Variants in TCP11 observed in about 807,000 individuals in gnomAD.
TCP11 encodes t-complex 11.
Under a neutral mutation model 45.0 loss-of-function variants are expected in TCP11, and 34 were observed. That is an observed-to-expected ratio of 0.76 (90% CI 0.57 to 1.01). The LOEUF (loss-of-function observed/expected upper bound fraction) is 1.01, where lower values mean the gene tolerates loss of function less well. Ranked by LOEUF, TCP11 falls within the 50% of genes least tolerant of loss-of-function variation. The probability of loss-of-function intolerance (pLI) is 0.00; values close to 1 mark genes in which losing one functional copy is unlikely to be tolerated. For missense variants in TCP11, 523 were observed against 598.1 expected (o/e 0.87, Z 1.31); for synonymous variants, 227 against 227.0 (o/e 1.00, Z 0.00).
chr6:35,128,808 T>G, intron 4 of TCP11: 1 of 405,750 alleles, frequency 2.5e-6, no homozygotes, highest in South Asian at 2.7e-5. Flanking sequence ...GTATGATAGA[T>G]GCCCTTTTAT....
At chr6:35,134,913 A>G (rs1780887315) in intron 3 of TCP11, among the ~76,000 whole-genome samples, 1 of 151,956 alleles carries the variant, frequency 6.6e-6, no homozygotes, top group Non-Finnish European at 1.5e-5. Flanking sequence ...GCACTTTGGG[A>G]GGACAAGGCG....
At position 35,136,096 on chromosome 6, in the gene TCP11, A is replaced by C; in HGVS notation, c.236+11T>G. ...GGATGAGCAACATGAAGAAAGAAGA[A>C]GAGTCTATACCTGCTTGGAGGTAAA... On this transcript the variant is annotated intron_variant, in intron 3 of 9. Transcript: ENST00000311875. 2.6e-5 allele frequency: 42 copies of C among 1,603,258 alleles called. No individual in the cohort carries two copies. The highest frequency in any genetic ancestry group is 3.3e-5 in the Non-Finnish European group (39 of 1,171,848).
chr6:35,137,763 T>C, intron 2 of TCP11: 1 of 455,120 alleles, frequency 2.2e-6, no homozygotes, highest in Non-Finnish European at 4.4e-6. Flanking sequence ...TGATGCAGCA[T>C]CATGATTTTT....
In TCP11 at chr6:35,140,877, G is replaced by T. The variant is rs1418376617; in HGVS notation, c.-7C>A. ...TCTCCTTGACGTCTGGCATTTTGCT[G>T]ATGGTATCTGGGTGAGGGAGAAAGG... On this transcript the variant is annotated 5_prime_UTR_variant, in exon 2 of 10. Coordinates refer to ENST00000311875, the MANE Select transcript of TCP11 (RefSeq NM_001370687.1). 5 of 1,570,992 alleles carry T rather than the reference G, an allele frequency of 3.2e-6. No homozygotes were observed. Among genetic ancestry groups the T allele is most frequent in the Non-Finnish European group, 4.3e-6 (5 of 1,161,182 alleles).
At chr6:35,127,068 G>A (rs889186344) in intron 4 of TCP11, among the ~76,000 whole-genome samples, 4 of 152,154 alleles carry the variant, frequency 2.6e-5, no homozygotes, top group African/African-American at 9.7e-5. Context: ...TAACCCACTT[G>A]CAGGATTTTT....
At chr6:35,136,086 A>G in intron 3 of TCP11, 21 bp downstream of exon 3, 1 of 1,595,296 alleles carries the variant, frequency 6.3e-7, no homozygotes, top group Non-Finnish European at 8.6e-7. Flanking sequence ...AGCAACATGA[A>G]GAAAGAAGAA....
In TCP11 at chr6:35,118,222, T is replaced by G. The variant is rs772253176; in HGVS notation, c.*47A>C. ...TGGTGATGTTACTCCAGGAAGATGATGGGCCTCCTCTTGGGTCCAAGGTAC... is the reference window on the plus strand; with the variant it reads ...TGGTGATGTTACTCCAGGAAGATGAGGGGCCTCCTCTTGGGTCCAAGGTAC... On this transcript the variant is annotated 3_prime_UTR_variant, in exon 10 of 10. Coordinates refer to ENST00000311875, the MANE Select transcript of TCP11 (RefSeq NM_001370687.1). The G allele has an allele frequency of 2.0e-6, 3 of 1,492,824 alleles. No homozygotes were observed. The highest frequency in any genetic ancestry group is 2.8e-6 in the Non-Finnish European group (3 of 1,071,998). 92.5% of individuals were successfully genotyped at this position (1,492,824 alleles called of 1,614,324 possible).
chr6:35,122,136 C>G lies in TCP11; in HGVS notation c.559G>C (p.Asp187His), dbSNP rs368388208. ...TCATACCTCAGTAGCCAAACAGGAT[C>G]CGTAATGTTTTCTAGTTTCTGCACT... ...EAVQKLENITDPVWLLRGIFQ... is the reference protein window; with the variant it reads ...EAVQKLENITHPVWLLRGIFQ... The change falls in exon 5 of 10, where the codon GAT becomes CAT. Residue 187 changes from aspartate to histidine, a missense_variant. By Grantham distance (81) the Asp-to-His change is moderately conservative (BLOSUM62 -1). This residue lies in a region of TCP11 where 298 missense variants were observed against 387.9 expected (regional missense o/e 0.77). Transcript: ENST00000311875. 33 of 1,614,028 alleles carry G rather than the reference C, an allele frequency of 2.0e-5. No homozygotes were observed. Among genetic ancestry groups the G allele is most frequent in the Non-Finnish European group, 2.5e-5 (29 of 1,180,016 alleles).
chr6:35,139,992 G>A (rs748812988), intron 2 of TCP11: 3 of 1,612,372 alleles, frequency 1.9e-6, no homozygotes, highest in Non-Finnish European at 2.5e-6. Flanking sequence ...TAAATTGTGT[G>A]TACAAAAAAA....
In TCP11 at chr6:35,140,996, G is replaced by A. The variant is rs939007801; in HGVS notation, c.-14-112C>T. The A allele has an allele frequency of 8.1e-6, 11 of 1,354,018 alleles. No individual in the cohort carries two copies. The South Asian group carries it at 1.2e-4, about 14-fold the overall frequency. 83.9% of individuals were successfully genotyped at this position (1,354,018 alleles called of 1,614,324 possible). A position where few individuals can be genotyped will look rare whatever the true frequency, so the allele number is the denominator to read the frequency against. On this transcript the variant is annotated intron_variant, in intron 1 of 9. Coordinates refer to ENST00000311875, the MANE Select transcript of TCP11 (RefSeq NM_001370687.1). ...GGGTAGCGGCCTCAGGGTCTTGGGG[G>A]TGCTGAGGGGCAGAAAGGGGCAAAG...
rs1261318392 is a variant in TCP11 at position 35,118,550 on chromosome 6, G to A, written c.1280-49C>T. 17 of 1,549,670 alleles carry A rather than the reference G, an allele frequency of 1.1e-5. No homozygotes were observed. In the African/African-American group the frequency reaches 2.2e-4, roughly 20 times the overall value. ...TAAGGGAAAAGGCAAACAGATTTCA[G>A]GGAGAAAATTCCCCCTGCACTCTAC... On this transcript the variant is annotated intron_variant, in intron 9 of 9. Coordinates refer to ENST00000311875, the MANE Select transcript of TCP11 (RefSeq NM_001370687.1).
chr6:35,129,260 C>A lies in TCP11; in HGVS notation c.237-78G>T, dbSNP rs2234043. The A allele has an allele frequency of 1.4e-3, 2,170 of 1,515,016 alleles. 37 individuals are homozygous for A. In the African/African-American group the frequency reaches 0.028, roughly 20 times the overall value. The allele number at this position is 1,515,016 out of a possible 1,614,324, so 93.8% of individuals were successfully genotyped here. On this transcript the variant is annotated intron_variant, in intron 3 of 9. Transcript: ENST00000311875. ...GTGTCATAACCTCCTAAACCCCAAA[C>A]TGAATTTGATATGGTAAAAGGCCAT... is the stretch of plus-strand genomic sequence containing the variant.
In TCP11 at chr6:35,120,018, A is replaced by G. The variant is rs1169580752; in HGVS notation, c.1115+141T>C. ...GTTACACCCTCATGACCACTTATGGAAAGAAACCAACAATCTTTGTAGATG... is the reference window on the plus strand; with the variant it reads ...GTTACACCCTCATGACCACTTATGGGAAGAAACCAACAATCTTTGTAGATG... On this transcript the variant is annotated intron_variant, in intron 8 of 9. Transcript: ENST00000311875. This position sits in a 1 kb window ranked among gnomAD's most constrained non-coding sequence, Gnocchi z 4.9. 1 of 1,156,428 alleles carries G rather than the reference A, an allele frequency of 8.6e-7. No homozygotes were observed. Among genetic ancestry groups the G allele is most frequent in the Non-Finnish European group, 1.2e-6 (1 of 844,284 alleles). The allele number at this position is 1,156,428 out of a possible 1,614,324, so 71.6% of individuals were successfully genotyped here.
intron 4 of TCP11, among the ~76,000 whole-genome samples, chr6:35,124,494 G>A (rs930930276): frequency 6.6e-6 from 1 of 152,150 alleles, no homozygotes; most frequent in African/African-American, 2.4e-5. Flanking sequence ...CCTTACTATA[G>A]AACACTGGGT....
In TCP11 at chr6:35,141,262, TGGCGGCCTGGAGCGTACCACCGCGGC is replaced by T. The variant is rs1034398654; in HGVS notation, c.-98_-73del. ...CGTCCGCTCGGTGGGCCTCGCGGCC[TGGCGGCCTGGAGCGTACCACCGCGGC>T]GGAGCGGCGGGTTGGGGCGTCGCAC... On this transcript the variant is annotated 5_prime_UTR_variant, in exon 1 of 10. Coordinates refer to ENST00000311875, the MANE Select transcript of TCP11 (RefSeq NM_001370687.1). 1.1e-5 allele frequency: 2 copies of T among 188,054 alleles called. No individual in the cohort carries two copies. The highest frequency in any genetic ancestry group is 1.9e-5 in the Non-Finnish European group (2 of 104,434). The allele number at this position is 188,054 out of a possible 1,614,324, so 11.6% of individuals were successfully genotyped here. A position where few individuals can be genotyped will look rare whatever the true frequency, so the allele number is the denominator to read the frequency against.
intron 2 of TCP11, chr6:35,140,067 C>A: frequency 6.2e-7 from 1 of 1,614,008 alleles, no homozygotes; most frequent in South Asian, 1.1e-5. Flanking sequence ...CTTTTGGTGC[C>A]ATTCAGTTAA....
At position 35,120,711 on chromosome 6, in the gene TCP11, G is replaced by A. The variant is rs1779142478; in HGVS notation, c.716-65C>T. 6.6e-7 allele frequency: 1 copy of A among 1,511,748 alleles called. No homozygotes were observed. The highest frequency in any genetic ancestry group is 1.9e-5 in the Admixed American group (1 of 52,294). The allele number at this position is 1,511,748 out of a possible 1,614,324, so 93.6% of individuals were successfully genotyped here. Reference sequence around the variant, plus strand: ...TTCATCTCTGAGGCTTCAAGACCAAGGTTCTTTTCAAGTATACTCCTGGTC... The same window carrying A: ...TTCATCTCTGAGGCTTCAAGACCAAAGTTCTTTTCAAGTATACTCCTGGTC... On this transcript the variant is annotated intron_variant, in intron 6 of 9. Transcript: ENST00000311875. This position sits in a 1 kb window ranked among gnomAD's most constrained non-coding sequence, Gnocchi z 4.9.
chr6:35,129,165 T>G lies in TCP11; in HGVS notation c.254A>C (p.Lys85Thr). The G allele has an allele frequency of 6.2e-7, 1 of 1,613,834 alleles. No individual in the cohort carries two copies. Among genetic ancestry groups the G allele is most frequent in the Middle Eastern group, 1.6e-4 (1 of 6,062 alleles). Residue 85 changes from lysine to threonine, a missense_variant, in exon 4 of 10, where the codon AAG (lysine) becomes ACG (threonine). Physicochemically the swap from Lys to Thr is moderately conservative, Grantham distance 78. This residue lies in a region of TCP11 where 225 missense variants were observed against 210.2 expected (regional missense o/e 1.07). Transcript: ENST00000311875. ...CCAAAAGGCATTGTGCACTGTCTCC[T>G]TGACCTTGCCTTCCAGACTATAAGA... Reference protein sequence around the residue: ...LPPSSLEGKVKETVHNAFWDH... With the variant: ...LPPSSLEGKVTETVHNAFWDH...
chr6:35,118,390 CCCAGTTCTG>C lies in TCP11; in HGVS notation c.1382_1390del (p.Ala461_Leu463del), dbSNP rs1778856699. 3 of 1,614,096 alleles carry C rather than the reference CCCAGTTCTG, an allele frequency of 1.9e-6. No individual in the cohort carries two copies. Among genetic ancestry groups the C allele is most frequent in the Non-Finnish European group, 2.5e-6 (3 of 1,180,002 alleles). ...ATGTGTCAAGTTGACAAACTTTTGG[CCCAGTTCTG>C]CCAGTTCTGCTTCAATGAGAGTAAG... On this transcript the variant is annotated inframe_deletion, in exon 10 of 10. Transcript: ENST00000311875.
Sources: allele counts gnomAD v4.1 joint callset (sites outside exome capture counted in the v4.1 genomes callset), GRCh38; gene constraint gnomAD v4.1.1; regional missense constraint gnomAD v4.1.1; non-coding constraint Gnocchi (gnomAD v3.1); transcripts MANE v1.5; gene names NCBI Gene and HGNC (gene_info 2026-07-23, HGNC 2026-07-21).